PPARGC1A: variants seen among roughly 807,000 people sequenced by gnomAD.
The protein encoded by PPARGC1A is peroxisome proliferator-activated receptor gamma coactivator 1-alpha.
In PPARGC1A, 25 loss-of-function variants were observed where a neutral mutation model predicts 88.7. The observed-to-expected ratio is 0.28, with a 90% confidence interval of 0.21 to 0.39. PPARGC1A has a LOEUF of 0.39. Ranked by LOEUF, PPARGC1A falls within the 10% of genes least tolerant of loss-of-function variation. The probability of loss-of-function intolerance (pLI) is 1.00; values close to 1 mark genes in which losing one functional copy is unlikely to be tolerated. For missense variants in PPARGC1A, 880 were observed against 968.7 expected, an observed-to-expected ratio of 0.91 and a Z score of 1.22; for synonymous variants, 363 against 355.6, an observed-to-expected ratio of 1.02 and a Z score of -0.24.
chr4:23,962,869 C>T, the PPARGC1A span, among the ~76,000 whole-genome samples: 13 of 152,270 alleles, frequency 8.5e-5, no homozygotes, highest in African/African-American at 2.9e-4. Flanking sequence ...AGAAGGGAGG[C>T]CTCTTAAGCT....
the PPARGC1A span, among the ~76,000 whole-genome samples, chr4:24,194,015 G>C: frequency 6.6e-6 from 1 of 151,906 alleles, no homozygotes; most frequent in Non-Finnish European, 1.5e-5. Context: ...TATAATCCCA[G>C]CTACTCAGGA....
In PPARGC1A at chr4:23,814,360, G is replaced by A. The variant is rs199772441; in HGVS notation, c.1123C>T (p.Arg375Trp). The change falls in exon 8 of 13, where the codon CGG (arginine) becomes TGG (tryptophan). Residue 375 changes from arginine to tryptophan, a missense_variant. By Grantham distance (101) the Arg-to-Trp change is moderately radical (BLOSUM62 -3). Coordinates refer to ENST00000264867, the MANE Select transcript of PPARGC1A (RefSeq NM_013261.5). ...TCACCAAACAGCCGCAGACTGGGCC[G>A]CTTGGTCTTCCTTTCCTCGTGTCCA... ...TGGHEERKTK[R>W]PSLRLFGDHD... The A allele has an allele frequency of 1.7e-5, 27 of 1,613,936 alleles. No individual in the cohort carries two copies. The highest frequency in any genetic ancestry group is 6.7e-5 in the Admixed American group (4 of 59,986).
chr4:23,962,340 G>C, the PPARGC1A span, among the ~76,000 whole-genome samples: 1 of 152,030 alleles, frequency 6.6e-6, no homozygotes, highest in African/African-American at 2.4e-5. Context: ...GGGTCATCTG[G>C]CCCAATATCC....
At chr4:24,437,591 TTTTTTG>T in the PPARGC1A span, among the ~76,000 whole-genome samples, 4,807 of 127,800 alleles carry the variant, frequency 0.038, 279 homozygotes, top group East Asian at 0.29. Flanking sequence ...AAGGCACAGG[TTTTTTG>T]TTGTTGTTGT....
At chr4:24,284,287 C>T in the PPARGC1A span, among the ~76,000 whole-genome samples, 18 of 152,090 alleles carry the variant, frequency 1.2e-4, no homozygotes, top group South Asian at 2.7e-3. Flanking sequence ...CCAGCCTGGG[C>T]GACAGAGCGA....
chr4:24,439,473 T>C, the PPARGC1A span, among the ~76,000 whole-genome samples: 1 of 152,230 alleles, frequency 6.6e-6, no homozygotes, highest in African/African-American at 2.4e-5. Flanking sequence ...ATTTTTTTCC[T>C]GTAATCTTCA....
At chr4:24,207,496 A>G in the PPARGC1A span, among the ~76,000 whole-genome samples, 1 of 152,244 alleles carries the variant, frequency 6.6e-6, no homozygotes, top group East Asian at 1.9e-4. Flanking sequence ...GTAAAGAGGC[A>G]GATCATCAAC....
At chr4:24,264,613 G>C in the PPARGC1A span, among the ~76,000 whole-genome samples, 1 of 152,222 alleles carries the variant, frequency 6.6e-6, no homozygotes, top group Admixed American at 6.5e-5. Context: ...TTGGCAACAT[G>C]CGGAACCCAG....
At chr4:24,370,709 A>C in the PPARGC1A span, among the ~76,000 whole-genome samples, 1 of 125,924 alleles carries the variant, frequency 7.9e-6, no homozygotes, top group African/African-American at 3.1e-5. Context: ...ATCCCACTCC[A>C]TTCTCTTCTC....
the PPARGC1A span, among the ~76,000 whole-genome samples, chr4:24,392,515 C>T: frequency 1.3e-5 from 2 of 152,262 alleles, no homozygotes; most frequent in Admixed American, 6.5e-5. Flanking sequence ...TCTCATCAGG[C>T]GATAAAAGGT....
In PPARGC1A at chr4:23,814,317, G is replaced by T; in HGVS notation, c.1166C>A (p.Ser389Ter). ...GAGTATTTCTGTTTTGGAATTAATT[G>T]ACTGGCAATAGTCATGGTCACCAAA... Reference protein sequence around the residue: ...RLFGDHDYCQSINSKTEILIN... With the variant: ...RLFGDHDYCQ The change falls in exon 8 of 13, where the codon TCA (serine) becomes TAA (stop). Residue 389 changes from serine to a stop codon, truncating the protein, a stop_gained. Transcript: ENST00000264867. LOFTEE classifies it high-confidence loss of function. 6.2e-7 allele frequency: 1 copy of T among 1,614,004 alleles called. No homozygotes were observed. The highest frequency in any genetic ancestry group is 8.5e-7 in the Non-Finnish European group (1 of 1,179,992).
chr4:24,394,256 A>G, the PPARGC1A span, among the ~76,000 whole-genome samples: 2 of 152,206 alleles, frequency 1.3e-5, no homozygotes, highest in African/African-American at 4.8e-5. Flanking sequence ...ACTCACGGCC[A>G]TGTTAGTGTA....
chr4:24,369,016 C>A, the PPARGC1A span, among the ~76,000 whole-genome samples: 1 of 152,194 alleles, frequency 6.6e-6, no homozygotes, highest in Admixed American at 6.5e-5. Flanking sequence ...CCCACGAGCA[C>A]CCCATCTGGC....
the PPARGC1A span, among the ~76,000 whole-genome samples, chr4:24,294,743 G>A: frequency 6.6e-6 from 1 of 152,184 alleles, no homozygotes; most frequent in African/African-American, 2.4e-5. Flanking sequence ...TAAGAAGCCA[G>A]GCAAACGTTT....
At chr4:24,002,770 C>T in the PPARGC1A span, among the ~76,000 whole-genome samples, 5 of 152,060 alleles carry the variant, frequency 3.3e-5, no homozygotes, top group South Asian at 2.1e-4. Context: ...CATTAAATGC[C>T]ACTGTTTCAC....
chr4:24,440,831 C>A, the PPARGC1A span, among the ~76,000 whole-genome samples: 1 of 151,730 alleles, frequency 6.6e-6, no homozygotes, highest in East Asian at 1.9e-4. Context: ...CAAAAAAAAA[C>A]AACTCTTATT....
chr4:23,810,193 C>T (rs535409685), intron 10 of PPARGC1A, among the ~76,000 whole-genome samples: 7 of 152,248 alleles, frequency 4.6e-5, no homozygotes, highest in African/African-American at 1.7e-4. Flanking sequence ...ACTTATAGTC[C>T]ACTCTGTTGG....
chr4:24,016,751 A>G, the PPARGC1A span, among the ~76,000 whole-genome samples: 1 of 152,212 alleles, frequency 6.6e-6, no homozygotes, highest in African/African-American at 2.4e-5. Context: ...ATGACTCCTA[A>G]GGTTAAGACA....
the PPARGC1A span, among the ~76,000 whole-genome samples, chr4:23,932,859 G>T: frequency 6.6e-6 from 1 of 152,232 alleles, no homozygotes; most frequent in African/African-American, 2.4e-5. Context: ...ATAGCAATTT[G>T]CTCAGAAGAG....
Sources: allele counts gnomAD v4.1 joint callset (sites outside exome capture counted in the v4.1 genomes callset), GRCh38; gene constraint gnomAD v4.1.1; transcripts MANE v1.5; gene names NCBI Gene and HGNC (gene_info 2026-07-23, HGNC 2026-07-21).